Variants in EXPH5 observed in about 807,000 individuals in gnomAD.
EXPH5 encodes exophilin-5.
Under a neutral mutation model 41.1 loss-of-function variants are expected in EXPH5, and 42 were observed. The observed-to-expected ratio is 1.02, with a 90% confidence interval of 0.80 to 1.32. EXPH5 has a LOEUF of 1.32. Ranked by LOEUF, EXPH5 falls within the 40% of genes most tolerant of loss-of-function variation. The probability of loss-of-function intolerance (pLI) is 0.00; values close to 1 mark genes in which losing one functional copy is unlikely to be tolerated. For missense variants in EXPH5, 2,298 were observed against 2,314.5 expected, an observed-to-expected ratio of 0.99 and a Z score of 0.15; for synonymous variants, 798 against 833.5, an observed-to-expected ratio of 0.96 and a Z score of 0.73.
intron 1 of EXPH5, among the ~76,000 whole-genome samples, chr11:108,543,945 T>C (rs2136038966): frequency 6.6e-6 from 1 of 152,324 alleles, no homozygotes; most frequent in East Asian, 1.9e-4. Context: ...CAATATTGGC[T>C]GCCTCTAACT....
chr11:108,552,410 G>A (rs1340503726), intron 1 of EXPH5, among the ~76,000 whole-genome samples: 2 of 152,148 alleles, frequency 1.3e-5, no homozygotes, highest in Non-Finnish European at 2.9e-5. Flanking sequence ...AAGTCTGAAG[G>A]AAGGGAAGCT....
At position 108,514,629 on chromosome 11, in the gene EXPH5, G is replaced by T; in HGVS notation, c.878C>A (p.Thr293Lys). Residue 293 changes from threonine (T) to lysine (K), a missense_variant, in exon 6 of 6, where the codon ACA becomes AAA. Thr to Lys is a moderately conservative substitution (Grantham distance 78). Coordinates refer to ENST00000265843, the MANE Select transcript of EXPH5 (RefSeq NM_015065.3). ...CCTTGTCCTATACATATCATAAATTGTGCTTGTCCTAGGAGAAAAGGTTTT... is the reference window on the plus strand; with the variant it reads ...CCTTGTCCTATACATATCATAAATTTTGCTTGTCCTAGGAGAAAAGGTTTT... ...GFKTFSPRTS[T>K]IYDMYRTREP... 2 of 1,609,456 alleles carry T rather than the reference G, an allele frequency of 1.2e-6. No individual in the cohort carries two copies. The highest frequency in any genetic ancestry group is 1.7e-6 in the Non-Finnish European group (2 of 1,178,494).
rs2093653834 is a variant in EXPH5, at chr11:108,508,022, A to AAAAC, written c.*1514_*1515insGTTT. 1 of 149,972 alleles carries AAAAC rather than the reference A, an allele frequency of 6.7e-6. No individual in the cohort carries two copies. The highest frequency in any genetic ancestry group is 2.5e-5 in the African/African-American group (1 of 40,624). 9.3% of individuals were successfully genotyped at this position (149,972 alleles called of 1,614,324 possible). A position where few individuals can be genotyped will look rare whatever the true frequency, so the allele number is the denominator to read the frequency against. On this transcript the variant is annotated 3_prime_UTR_variant, in exon 6 of 6. Coordinates refer to ENST00000265843, the MANE Select transcript of EXPH5 (RefSeq NM_015065.3). ...AAAATACCAAAAAAAAAAAAAAAAA[A>AAAAC]AAAAAAATTAGCCAGGTGTGGTGGT...
chr11:108,540,365 A>G (rs1279095763), intron 2 of EXPH5, among the ~76,000 whole-genome samples: 1 of 152,124 alleles, frequency 6.6e-6, no homozygotes, highest in Non-Finnish European at 1.5e-5. Context: ...CCATAATATT[A>G]TAATGATTTG....
chr11:108,536,038 A>G (rs2093877607), intron 3 of EXPH5, among the ~76,000 whole-genome samples: 1 of 152,222 alleles, frequency 6.6e-6, no homozygotes, highest in South Asian at 2.1e-4. Flanking sequence ...CCGTGCAAAC[A>G]TGACTTGCAG....
chr11:108,519,850 C>A (rs2093753362), intron 4 of EXPH5, among the ~76,000 whole-genome samples: 1 of 147,936 alleles, frequency 6.8e-6, no homozygotes, highest in South Asian at 2.2e-4. Flanking sequence ...CCTGGGAGGG[C>A]TGAGGCAGGA....
upstream of EXPH5, among the ~76,000 whole-genome samples, chr11:108,596,911 T>C (rs1032074172): frequency 2.6e-5 from 4 of 152,224 alleles, no homozygotes; most frequent in African/African-American, 7.2e-5. Context: ...GTTTGTTTTA[T>C]GGGCTTATTT....
At chr11:108,542,276 A>G (rs1387440757) in intron 1 of EXPH5, among the ~76,000 whole-genome samples, 1 of 151,670 alleles carries the variant, frequency 6.6e-6, no homozygotes, top group Admixed American at 6.6e-5. Context: ...TAAGTCTAGA[A>G]AAAAAATGGC....
intron 1 of EXPH5, among the ~76,000 whole-genome samples, chr11:108,590,028 T>A (rs2094123696): frequency 6.6e-6 from 1 of 152,220 alleles, no homozygotes; most frequent in Non-Finnish European, 1.5e-5. Context: ...ACTTAATATA[T>A]GTTGGTGTGG....
At chr11:108,539,954 T>C (rs545591676) in intron 2 of EXPH5, among the ~76,000 whole-genome samples, 11 of 152,212 alleles carry the variant, frequency 7.2e-5, no homozygotes, top group Non-Finnish European at 1.5e-4. Context: ...TCAACCTGTT[T>C]ATGTATAATA....
intron 1 of EXPH5, among the ~76,000 whole-genome samples, chr11:108,553,816 T>C (rs1192291474): frequency 6.6e-5 from 10 of 152,232 alleles, no homozygotes; most frequent in Admixed American, 5.2e-4. Flanking sequence ...TGTGATCCTG[T>C]ACACAAATTA....
At position 108,513,050 on chromosome 11, in the gene EXPH5, T is replaced by C. The variant is rs951956116; in HGVS notation, c.2457A>G (p.Pro819=). The C allele has an allele frequency of 3.7e-6, 6 of 1,613,538 alleles. No individual in the cohort carries two copies. Among genetic ancestry groups the C allele is most frequent in the African/African-American group, 1.3e-5 (1 of 74,966 alleles). The stretch of plus-strand genomic sequence containing the variant: ...CTTGGTCTGTCCTGGGGAAAGATGG[T>C]GGTGTTCTGTGTTCCTGAATGAAAG... The part of the protein sequence containing the change: ...SLPFIQEHRT[P]PSFPRTDQGC... The change falls in exon 6 of 6, where the codon CCA becomes CCG. Residue 819 remains proline, a synonymous_variant. Transcript: ENST00000265843.
chr11:108,547,062 A>G (rs1338343064), intron 1 of EXPH5, among the ~76,000 whole-genome samples: 1 of 152,194 alleles, frequency 6.6e-6, no homozygotes, highest in Non-Finnish European at 1.5e-5. Flanking sequence ...CGGCCTCCCA[A>G]AATGCTGGGA....
upstream of EXPH5, among the ~76,000 whole-genome samples, chr11:108,596,183 A>C (rs1285828389): frequency 6.6e-6 from 1 of 152,062 alleles, no homozygotes; most frequent in Non-Finnish European, 1.5e-5. Context: ...CAACAGAGTG[A>C]GACTCTGTCA....
At chr11:108,591,877 T>C (rs1395954226) in intron 1 of EXPH5, among the ~76,000 whole-genome samples, 1 of 152,226 alleles carries the variant, frequency 6.6e-6, no homozygotes, top group African/African-American at 2.4e-5. Context: ...GCTTCTCTCC[T>C]TGTTATTTTC....
Position 108,512,833 on chromosome 11 carries a change from T to A in EXPH5, c.2674A>T (p.Asn892Tyr), listed in dbSNP as rs10890850. ...ACCACAGGAGCATCAAGGGAAGAAT[T>A]CTTTGATGGTGAGGAATCTGGTAGT... ...AALPDSSPSK[N>Y]SSLDAPVVPS... Residue 892 changes from asparagine (N) to tyrosine (Y), a missense_variant, in exon 6 of 6, where the codon AAT becomes TAT. Transcript: ENST00000265843. 18,106 of 1,614,104 alleles carry A rather than the reference T, an allele frequency of 0.011. 766 individuals carry two copies. The African/African-American group carries it at 0.11, about 10-fold the overall frequency.
chr11:108,519,749 G>C (rs2093752057), intron 4 of EXPH5, among the ~76,000 whole-genome samples: 1 of 144,428 alleles, frequency 6.9e-6, no homozygotes, highest in Non-Finnish European at 1.5e-5. Context: ...CTCTGTCTTG[G>C]AAAAAAAGAA....
chr11:108,590,300 A>G (rs2094124381), intron 1 of EXPH5, among the ~76,000 whole-genome samples: 3 of 151,854 alleles, frequency 2.0e-5, no homozygotes, highest in Admixed American at 2.0e-4. Context: ...GAGGGTAGAC[A>G]TTTTCCCATC....
chr11:108,593,294 C>A lies in EXPH5; in HGVS notation c.119+124G>T, dbSNP rs2094132657. ...CAGTTTTCTCTTCCCGACCCGCAGC[C>A]TCCGCAGCAGCCGCTCGGAGCACCC... is the stretch of plus-strand genomic sequence containing the variant. On this transcript the variant is annotated intron_variant, in intron 1 of 5. Transcript: ENST00000265843. 3 of 812,658 alleles carry A rather than the reference C, an allele frequency of 3.7e-6. No individual in the cohort carries two copies. The South Asian group carries it at 4.9e-5, about 13-fold the overall frequency. 50.3% of individuals were successfully genotyped at this position (812,658 alleles called of 1,614,324 possible).
Sources: gnomAD v4.1 joint callset for allele counts (sites outside exome capture counted in the v4.1 genomes callset) on GRCh38, gnomAD v4.1.1 for gene constraint, MANE v1.5 for transcripts, NCBI Gene and HGNC (gene_info 2026-07-23, HGNC 2026-07-21) for gene names.